MAPKAPK5: variants seen among roughly 807,000 people sequenced by gnomAD.
MAPKAPK5 encodes MAP kinase-activated protein kinase 5.
MAPKAPK5 carries 30 observed loss-of-function variants against 65.1 expected under a neutral mutation model. The ratio of observed to expected loss-of-function variants is 0.46; its 90% CI spans 0.34 to 0.63. The LOEUF (loss-of-function observed/expected upper bound fraction) is 0.63. Ranked by LOEUF, MAPKAPK5 falls within the 20% of genes least tolerant of loss-of-function variation. MAPKAPK5 has a pLI of 0.01. For synonymous variants in MAPKAPK5, 179 were observed against 204.6 expected, an observed-to-expected ratio of 0.87 and a Z score of 1.07; for missense variants, 433 against 581.4, an observed-to-expected ratio of 0.74 and a Z score of 2.63.
At chr12:111,886,936 T>G (rs1271783167) in intron 10 of MAPKAPK5, among the ~76,000 whole-genome samples, 3 of 152,162 alleles carry the variant, frequency 2.0e-5, no homozygotes, top group Non-Finnish European at 4.4e-5. Flanking sequence ...GAAGAAAAAT[T>G]TCTACAGTTT....
At chr12:111,868,466 A>G (rs2069678160) in intron 4 of MAPKAPK5, among the ~76,000 whole-genome samples, 1 of 152,204 alleles carries the variant, frequency 6.6e-6, no homozygotes, top group Non-Finnish European at 1.5e-5. Flanking sequence ...AATCAAACAA[A>G]TGGGAAAAAA....
At chr12:111,850,901 T>C (rs1172150081) in intron 1 of MAPKAPK5, among the ~76,000 whole-genome samples, 1 of 134,742 alleles carries the variant, frequency 7.4e-6, no homozygotes, top group Non-Finnish European at 1.6e-5. Context: ...CCCATTTTCT[T>C]TTTTTTTTTT....
intron 1 of MAPKAPK5, among the ~76,000 whole-genome samples, 191 bp from the exon 2 acceptor site, chr12:111,865,059 G>T (rs1037210003): frequency 1.3e-5 from 2 of 152,134 alleles, no homozygotes; most frequent in African/African-American, 4.8e-5. Flanking sequence ...TGGAAAATTG[G>T]GAAACAATGT....
intron 7 of MAPKAPK5, chr12:111,879,329 G>A (rs1166381757): frequency 6.6e-6 from 1 of 150,798 alleles, no homozygotes; most frequent in Non-Finnish European, 1.5e-5. Flanking sequence ...TTGTGTAAAA[G>A]CTCTATATGG....
chr12:111,880,663 C>A, intron 8 of MAPKAPK5, 136 bp downstream of exon 8: 1 of 681,104 alleles, frequency 1.5e-6, no homozygotes, highest in Non-Finnish European at 2.5e-6. Context: ...CAGCCAGACT[C>A]GCAGAAAAGT....
chr12:111,884,898 G>A (rs1451197246), intron 9 of MAPKAPK5, among the ~76,000 whole-genome samples: 1 of 152,200 alleles, frequency 6.6e-6, no homozygotes, highest in Non-Finnish European at 1.5e-5. Context: ...GGGGTTGGGG[G>A]CAGGTTCTGT....
intron 8 of MAPKAPK5, among the ~76,000 whole-genome samples, chr12:111,882,440 C>T (rs1011125945): frequency 6.6e-6 from 1 of 152,170 alleles, no homozygotes; most frequent in Non-Finnish European, 1.5e-5. Flanking sequence ...TTATGCAGAG[C>T]ACCGCACAGC....
At chr12:111,850,899 C>CT (rs1028992831) in intron 1 of MAPKAPK5, among the ~76,000 whole-genome samples, 3,550 of 126,086 alleles carry the variant, frequency 0.028, 140 homozygotes, top group African/African-American at 0.089. Context: ...AACCCATTTT[C>CT]TTTTTTTTTT....
rs184565202 is a variant in MAPKAPK5, at chr12:111,901,691, G to A, written c.*8630G>A. 1 of 265,898 alleles carries A rather than the reference G, an allele frequency of 3.8e-6. No homozygotes were observed. The highest frequency in any genetic ancestry group is 5.1e-5 in the Admixed American group (1 of 19,688). 16.5% of individuals were successfully genotyped at this position (265,898 alleles called of 1,614,324 possible). On this transcript the variant is annotated 3_prime_UTR_variant, in exon 14 of 14. Coordinates refer to ENST00000550735, the MANE Select transcript of MAPKAPK5 (RefSeq NM_003668.4). ...GGAGGAGGAGGAAGAAGAGGAGGAA[G>A]AATCAGATTCCTAAGGTTAGAAATA...
rs1179591917 is a variant in MAPKAPK5, at chr12:111,897,863, T to A, written c.*4802T>A. The A allele has an allele frequency of 6.6e-6, 1 of 152,004 alleles. No homozygotes were observed. Among genetic ancestry groups the A allele is most frequent in the Non-Finnish European group, 1.5e-5 (1 of 67,994 alleles). The allele number at this position is 152,004 out of a possible 1,614,324, so 9.4% of individuals were successfully genotyped here. On this transcript the variant is annotated 3_prime_UTR_variant, in exon 14 of 14. Transcript: ENST00000550735. ...ATCTCATATTTGAAAGGTCTCATGT[T>A]GTAAATATTTGACTTGCTGTAAAAT...
chr12:111,866,131 A>G, intron 2 of MAPKAPK5, 25 bp from the exon 3 acceptor site: 1 of 1,544,496 alleles, frequency 6.5e-7, no homozygotes, highest in Non-Finnish European at 8.8e-7. Context: ...ATGATCTCTG[A>G]TTGATTTTTT....
At chr12:111,891,604 T>G (rs1398359083) in intron 13 of MAPKAPK5, among the ~76,000 whole-genome samples, 1 of 124,134 alleles carries the variant, frequency 8.1e-6, no homozygotes, top group Non-Finnish European at 1.6e-5. Flanking sequence ...CCATCCTGGC[T>G]AACACGGTGA....
At chr12:111,855,296 TTTC>T (rs1379671761) in intron 1 of MAPKAPK5, among the ~76,000 whole-genome samples, 1 of 152,158 alleles carries the variant, frequency 6.6e-6, no homozygotes, top group Non-Finnish European at 1.5e-5. Context: ...TCTTTATTAT[TTTC>T]TTCTTTCTGC....
rs1018590854 is a variant in MAPKAPK5 at position 111,867,567 on chromosome 12, T to C, written c.187-5T>C. Reference sequence around the variant, plus strand: ...TATTGATACATTTCCTCTGTTCTCTTTAAGGTACGTCTGCACATGATGTGT... The same window carrying C: ...TATTGATACATTTCCTCTGTTCTCTCTAAGGTACGTCTGCACATGATGTGT... On this transcript the variant is annotated splice_polypyrimidine_tract_variant and splice_region_variant and intron_variant, in intron 3 of 13. Coordinates refer to ENST00000550735, the MANE Select transcript of MAPKAPK5 (RefSeq NM_003668.4). 2.5e-6 allele frequency: 4 copies of C among 1,611,828 alleles called. No homozygotes were observed. The highest frequency in any genetic ancestry group is 3.3e-5 in the Admixed American group (2 of 60,014).
intron 11 of MAPKAPK5, 28 bp downstream of exon 11, chr12:111,888,646 C>A (rs182683312): frequency 6.2e-7 from 1 of 1,612,468 alleles, no homozygotes; most frequent in Non-Finnish European, 8.5e-7. Context: ...TTCGATTCTT[C>A]TTCATGGCTG....
rs2070861013 is a variant in MAPKAPK5, at chr12:111,897,407, A to G, written c.*4346A>G. 2 of 152,224 alleles carry G rather than the reference A, an allele frequency of 1.3e-5. No homozygotes were observed. Among genetic ancestry groups the G allele is most frequent in the Admixed American group, 1.3e-4 (2 of 15,276 alleles). 9.4% of individuals were successfully genotyped at this position (152,224 alleles called of 1,614,324 possible). On this transcript the variant is annotated 3_prime_UTR_variant, in exon 14 of 14. Transcript: ENST00000550735. ...GTGTATGTGCATGTATTTATTGAAG[A>G]AAATAAGTTTCAATTTGAGAATTAG...
chr12:111,860,029 C>T (rs985742641), intron 1 of MAPKAPK5, among the ~76,000 whole-genome samples: 1 of 152,172 alleles, frequency 6.6e-6, no homozygotes, highest in African/African-American at 2.4e-5. Flanking sequence ...GAGATTGCGC[C>T]ATCGCACTCC....
intron 1 of MAPKAPK5, among the ~76,000 whole-genome samples, chr12:111,849,848 C>G (rs2069017937): frequency 6.6e-6 from 1 of 151,932 alleles, no homozygotes; most frequent in Non-Finnish European, 1.5e-5. Flanking sequence ...TCCTGAGTAG[C>G]TGGGACCACA....
intron 12 of MAPKAPK5, 108 bp downstream of exon 12, chr12:111,889,108 T>A (rs1263685159): frequency 7.9e-7 from 1 of 1,269,276 alleles, no homozygotes; most frequent in Non-Finnish European, 1.1e-6. Flanking sequence ...TAATTTTGGG[T>A]TGTCTGTTTC....
Sources: allele counts gnomAD v4.1 joint callset (sites outside exome capture counted in the v4.1 genomes callset), GRCh38; gene constraint gnomAD v4.1.1; transcripts MANE v1.5; gene names NCBI Gene and HGNC (gene_info 2026-07-23, HGNC 2026-07-21).